DNAH11: variants seen among roughly 807,000 people sequenced by gnomAD.
The protein encoded by DNAH11 is dynein axonemal heavy chain 11.
DNAH11 carries 442 observed loss-of-function variants against 526.0 expected under a neutral mutation model. That is an observed-to-expected ratio of 0.84 (90% CI 0.78 to 0.91). The LOEUF is 0.91. Ranked by LOEUF, DNAH11 falls within the 40% of genes least tolerant of loss-of-function variation. The probability of loss-of-function intolerance (pLI) is 0.00; values close to 1 mark genes in which losing one functional copy is unlikely to be tolerated. For missense variants in DNAH11, 6,989 were observed against 5,448.7 expected (o/e 1.28, Z -8.90); for synonymous variants, 2,461 against 1,935.9 (o/e 1.27, Z -7.12).
intron 61 of DNAH11, among the ~76,000 whole-genome samples, chr7:21,795,962 A>G (rs1168990666): frequency 7.1e-6 from 1 of 141,144 alleles, no homozygotes; most frequent in Non-Finnish European, 1.5e-5. Context: ...AAAGAGGGTC[A>G]CGTGTCCTGT....
rs1784850951 is a variant in DNAH11, at chr7:21,901,519, A to AGGTTGCACCACTGCACTCCCT, written c.*266_*286dup. The AGGTTGCACCACTGCACTCCCT allele has an allele frequency of 1.1e-5, 3 of 276,900 alleles. No homozygotes were observed. Among genetic ancestry groups the AGGTTGCACCACTGCACTCCCT allele is most frequent in the Non-Finnish European group, 1.9e-5 (3 of 154,492 alleles). 17.2% of individuals were successfully genotyped at this position (276,900 alleles called of 1,614,324 possible). A position where few individuals can be genotyped will look rare whatever the true frequency, so the allele number is the denominator to read the frequency against. On this transcript the variant is annotated 3_prime_UTR_variant, in exon 82 of 82. Transcript: ENST00000409508. ...AGGAGGCAAAGGTTGCAGTGAGCCG[A>AGGTTGCACCACTGCACTCCCT]GGTTGCACCACTGCACTCCCTCCTG... is the stretch of plus-strand genomic sequence containing the variant.
intron 28 of DNAH11, among the ~76,000 whole-genome samples, chr7:21,649,902 G>A (rs1386022707): frequency 6.6e-6 from 1 of 152,052 alleles, no homozygotes; most frequent in Admixed American, 6.6e-5. Context: ...CTGGCCTCAG[G>A]TGATCTGCCT....
intron 38 of DNAH11, 108 bp downstream of exon 38, chr7:21,704,736 G>A: frequency 8.1e-7 from 1 of 1,240,862 alleles, no homozygotes; most frequent in Non-Finnish European, 1.1e-6. Flanking sequence ...AACCTTAATA[G>A]GATCTTAATA....
intron 61 of DNAH11, among the ~76,000 whole-genome samples, chr7:21,791,897 A>G (rs1296393510): frequency 6.6e-6 from 1 of 152,186 alleles, no homozygotes; most frequent in Non-Finnish European, 1.5e-5. Context: ...AATACCTGAT[A>G]CTGGGTAACT....
Position 21,637,595 on chromosome 7 carries a change from T to G in DNAH11, c.4726-16T>G. On this transcript the variant is annotated splice_polypyrimidine_tract_variant and intron_variant, in intron 26 of 81. Transcript: ENST00000409508. ...TTGTTCTAATATCCACGGCCCCGTATTGTACTTTCATGCAGGAGTTAATGT... is the reference window on the plus strand; with the variant it reads ...TTGTTCTAATATCCACGGCCCCGTAGTGTACTTTCATGCAGGAGTTAATGT... The G allele has an allele frequency of 6.6e-7, 1 of 1,510,708 alleles. No homozygotes were observed. The highest frequency in any genetic ancestry group is 9.1e-7 in the Non-Finnish European group (1 of 1,102,112). 93.6% of individuals were successfully genotyped at this position (1,510,708 alleles called of 1,614,324 possible). A position where few individuals can be genotyped will look rare whatever the true frequency, so the allele number is the denominator to read the frequency against.
chr7:21,835,514 A>T (rs948475302), intron 65 of DNAH11, among the ~76,000 whole-genome samples: 2 of 152,206 alleles, frequency 1.3e-5, no homozygotes, highest in Non-Finnish European at 2.9e-5. Flanking sequence ...GGGAAAAAAC[A>T]TACAATTATT....
chr7:21,861,950 C>G lies in DNAH11; in HGVS notation c.11300C>G (p.Ala3767Gly). 6.2e-7 allele frequency: 1 copy of G among 1,613,788 alleles called. No homozygotes were observed. The highest frequency in any genetic ancestry group is 8.5e-7 in the Non-Finnish European group (1 of 1,179,822). ...ATCCTGATGGAGAGCATCACCCATG[C>G]TGTCTTCCTCTACACCAGCCAGGCG... ...ISILMESITH[A>G]VFLYTSQALF... Residue 3767 changes from alanine (A) to glycine (G), a missense_variant, in exon 69 of 82, where the codon GCT (alanine) becomes GGT (glycine). Physicochemically the swap from Ala to Gly is moderately conservative, Grantham distance 60. Coordinates refer to ENST00000409508, the MANE Select transcript of DNAH11 (RefSeq NM_001277115.2).
At chr7:21,714,557 C>T (rs1009596439) in intron 42 of DNAH11, among the ~76,000 whole-genome samples, 2 of 152,092 alleles carry the variant, frequency 1.3e-5, no homozygotes, top group Non-Finnish European at 2.9e-5. Context: ...TCATTTAATA[C>T]TCAGTTACCT....
intron 34 of DNAH11, among the ~76,000 whole-genome samples, chr7:21,687,950 T>TG (rs1783452597): frequency 6.6e-6 from 1 of 152,068 alleles, no homozygotes; most frequent in African/African-American, 2.4e-5. Flanking sequence ...TAGTCCCAGT[T>TG]ATTTTTGAGG....
chr7:21,734,672 G>A (rs6980293), intron 45 of DNAH11, among the ~76,000 whole-genome samples: 126,727 of 152,044 alleles, frequency 0.83, 53,225 homozygotes, highest in Non-Finnish European at 0.87. Context: ...TCTGGGCAAC[G>A]TGGCAAAATC....
chr7:21,838,621 T>C (rs995648189), intron 65 of DNAH11, among the ~76,000 whole-genome samples: 2 of 152,238 alleles, frequency 1.3e-5, no homozygotes, highest in Non-Finnish European at 2.9e-5. Context: ...TCGTAGCATG[T>C]ATCAATACTT....
chr7:21,866,352 G>A, intron 70 of DNAH11, 118 bp from the exon 71 acceptor site: 2 of 820,144 alleles, frequency 2.4e-6, no homozygotes, highest in Non-Finnish European at 3.6e-6. Flanking sequence ...CTGAAGAGGA[G>A]AGTGAATACT....
chr7:21,669,071 A>G (rs911328751), intron 30 of DNAH11, among the ~76,000 whole-genome samples: 7 of 152,192 alleles, frequency 4.6e-5, no homozygotes, highest in Admixed American at 3.9e-4. Flanking sequence ...TCTAATGTCT[A>G]AAGATGTTGA....
intron 42 of DNAH11, among the ~76,000 whole-genome samples, chr7:21,714,487 C>T (rs1477696829): frequency 3.3e-5 from 5 of 152,154 alleles, no homozygotes; most frequent in African/African-American, 1.2e-4. Context: ...TTATTGGAGA[C>T]TTTAACATCT....
chr7:21,696,489 A>G (rs1783858405), intron 35 of DNAH11, among the ~76,000 whole-genome samples: 1 of 152,220 alleles, frequency 6.6e-6, no homozygotes, highest in South Asian at 2.1e-4. Flanking sequence ...TAGATAGAGA[A>G]TAACCATTCT....
chr7:21,864,455 C>A, intron 69 of DNAH11, 80 bp from the exon 70 acceptor site: 2 of 1,450,726 alleles, frequency 1.4e-6, no homozygotes, highest in East Asian at 2.4e-5. Context: ...TCAGTCATGT[C>A]TGTTAAATGT....
Position 21,588,085 on chromosome 7 carries a change from T to G in DNAH11, c.1732T>G (p.Phe578Val). Residue 578 changes from phenylalanine (F) to valine (V), a missense_variant, in exon 10 of 82, where the codon TTT (phenylalanine) becomes GTT (valine). Transcript: ENST00000409508. ...ATAGCTTTTGACCATATTTGGAAAT[T>G]TTCTAGAGAAGCCAGTTGTCATGGA... ...AFKLLTIFGN[F>V]LEKPVVMEIF... 3 of 1,613,292 alleles carry G rather than the reference T, an allele frequency of 1.9e-6. No individual in the cohort carries two copies. Among genetic ancestry groups the G allele is most frequent in the Non-Finnish European group, 2.5e-6 (3 of 1,179,650 alleles).
At chr7:21,654,469 TG>T (rs747129090) in intron 28 of DNAH11, among the ~76,000 whole-genome samples, 10 of 152,358 alleles carry the variant, frequency 6.6e-5, no homozygotes, top group Non-Finnish European at 1.5e-4. Context: ...TACCACATTT[TG>T]TTTATCCATT....
intron 55 of DNAH11, among the ~76,000 whole-genome samples, chr7:21,769,870 T>A (rs969183548): frequency 1.3e-5 from 2 of 152,140 alleles, no homozygotes; most frequent in Non-Finnish European, 2.9e-5. Context: ...AAGGTACCTT[T>A]TTCAATGACT....
Sources: gnomAD v4.1 joint callset for allele counts (sites outside exome capture counted in the v4.1 genomes callset) on GRCh38, gnomAD v4.1.1 for gene constraint, MANE v1.5 for transcripts, NCBI Gene and HGNC (gene_info 2026-07-23, HGNC 2026-07-21) for gene names.